Variants in CLRN1 observed in about 807,000 individuals in gnomAD.
CLRN1 encodes the protein clarin 1.
A neutral mutation model predicts 18.7 loss-of-function variants in CLRN1; 15 were observed. The observed-to-expected ratio is 0.80, with a 90% CI of 0.54 to 1.23. The LOEUF (loss-of-function observed/expected upper bound fraction) is 1.23. Ranked by LOEUF, CLRN1 falls within the 50% of genes most tolerant of loss-of-function variation. The probability of loss-of-function intolerance (pLI) is 0.00; values close to 1 mark genes in which losing one functional copy is unlikely to be tolerated. For synonymous variants in CLRN1, 104 were observed against 102.9 expected (o/e 1.01, Z -0.07); for missense variants, 311 against 277.5 (o/e 1.12, Z -0.86).
chr3:150,943,471 G>A (rs1463453402), intron 1 of CLRN1, among the ~76,000 whole-genome samples: 1 of 152,176 alleles, frequency 6.6e-6, no homozygotes, highest in African/African-American at 2.4e-5. Context: ...ACATTGGAGA[G>A]ATGTGACTTG....
chr3:150,938,558 T>C (rs1713623146), intron 2 of CLRN1, among the ~76,000 whole-genome samples: 1 of 152,210 alleles, frequency 6.6e-6, no homozygotes, highest in Admixed American at 6.5e-5. Flanking sequence ...CCAGTCCATC[T>C]GACCCTCAAA....
rs945872558 is a variant in CLRN1 at position 150,926,604 on chromosome 3, C to A, written c.*1332G>T. On this transcript the variant is annotated 3_prime_UTR_variant, in exon 3 of 3. Transcript: ENST00000327047. Reference sequence around the variant, plus strand: ...CTCGGTGTGTTCTGATGTCTGCTGGCGAATAGCGAATTGACACCAGAGCAA... The same window carrying A: ...CTCGGTGTGTTCTGATGTCTGCTGGAGAATAGCGAATTGACACCAGAGCAA... The A allele has an allele frequency of 1.5e-6, 1 of 687,284 alleles. No homozygotes were observed. Among genetic ancestry groups the A allele is most frequent in the Non-Finnish European group, 2.6e-6 (1 of 381,924 alleles). 42.6% of individuals were successfully genotyped at this position (687,284 alleles called of 1,614,324 possible). A position where few individuals can be genotyped will look rare whatever the true frequency, so the allele number is the denominator to read the frequency against.
At chr3:150,964,072 T>G (rs1417786263) in intron 1 of CLRN1, among the ~76,000 whole-genome samples, 1 of 152,110 alleles carries the variant, frequency 6.6e-6, no homozygotes, top group Admixed American at 6.5e-5. Context: ...TGGGATCTAA[T>G]TAAACTAAAA....
At position 150,927,997 on chromosome 3, in the gene CLRN1, A is replaced by G; in HGVS notation, c.638T>C (p.Phe213Ser). ...GLLIRLAGFQ[F>S]PFAKSKDAET... is the part of the protein sequence containing the mutation. ...TGCGTCTTTAGATTTTGCAAAAGGG[A>G]ACTGAAATCCAGCAAGTCGTATTAG... The change falls in exon 3 of 3, where the codon TTC becomes TCC. Residue 213 changes from phenylalanine to serine, a missense_variant. By Grantham distance (155) the Phe-to-Ser change is radical (BLOSUM62 -2). Transcript: ENST00000327047. 1 of 1,614,206 alleles carries G rather than the reference A, an allele frequency of 6.2e-7. No homozygotes were observed. Among genetic ancestry groups the G allele is most frequent in the Admixed American group, 1.7e-5 (1 of 60,032 alleles).
At chr3:150,970,373 G>T (rs1030919629) in intron 1 of CLRN1, among the ~76,000 whole-genome samples, 2 of 152,130 alleles carry the variant, frequency 1.3e-5, no homozygotes, top group Non-Finnish European at 2.9e-5. Context: ...TGTCCCAAAG[G>T]CATGTTGATT....
intron 1 of CLRN1, among the ~76,000 whole-genome samples, chr3:150,970,876 A>C (rs1184872375): frequency 6.6e-6 from 1 of 152,248 alleles, no homozygotes; most frequent in African/African-American, 2.4e-5. Context: ...GCTAAACCCC[A>C]GAAGAATGTG....
At chr3:150,971,495 G>A (rs1200689056) in intron 1 of CLRN1, among the ~76,000 whole-genome samples, 2 of 151,822 alleles carry the variant, frequency 1.3e-5, no homozygotes, top group Non-Finnish European at 2.9e-5. Context: ...AATTAATTTA[G>A]CCTTCTACCT....
intron 2 of CLRN1, 55 bp from the exon 3 acceptor site, chr3:150,928,256 G>A: frequency 6.2e-7 from 1 of 1,602,594 alleles, no homozygotes; most frequent in Non-Finnish European, 8.5e-7. Flanking sequence ...GTAAGGGACA[G>A]GGAAGAGGGT....
At chr3:150,956,515 G>A (rs553925944) in intron 1 of CLRN1, among the ~76,000 whole-genome samples, 2 of 152,218 alleles carry the variant, frequency 1.3e-5, no homozygotes, top group South Asian at 2.1e-4. Flanking sequence ...GAGAGAAAGC[G>A]AAAAAGGAAA....
At chr3:150,949,931 C>T (rs1714396896) in intron 1 of CLRN1, among the ~76,000 whole-genome samples, 1 of 152,068 alleles carries the variant, frequency 6.6e-6, no homozygotes, top group Non-Finnish European at 1.5e-5. Context: ...GCTACAGTAA[C>T]CAAAACAGAA....
chr3:150,969,313 A>AT lies in CLRN1; in HGVS notation c.253+3142dup, dbSNP rs1196979915. ...TTGTAATATATATATATATATATAT[A>AT]TTTTTTTTTTTTTTTTTTTTTTTTT... On this transcript the variant is annotated intron_variant, in intron 1 of 2. Coordinates refer to ENST00000327047, the MANE Select transcript of CLRN1 (RefSeq NM_174878.3). Among the ~76,000 whole-genome samples, 158 of 43,552 alleles carry AT rather than the reference A, an allele frequency of 3.6e-3. 22 individuals carry two copies. Among genetic ancestry groups the AT allele is most frequent in the Middle Eastern group, 0.026 (1 of 38 alleles). 28.6% of individuals were successfully genotyped at this position (43,552 alleles called of 152,430 possible).
At chr3:150,943,367 T>C (rs546997731) in intron 1 of CLRN1, among the ~76,000 whole-genome samples, 1 of 152,222 alleles carries the variant, frequency 6.6e-6, no homozygotes, top group East Asian at 1.9e-4. Flanking sequence ...CCACCACCTA[T>C]CCTCTGCCTA....
intron 1 of CLRN1, among the ~76,000 whole-genome samples, chr3:150,948,659 G>GA (rs1167180598): frequency 6.8e-6 from 1 of 147,714 alleles, no homozygotes; most frequent in African/African-American, 2.5e-5. Context: ...ACTGGACCAG[G>GA]AAAAAACCGA....
At chr3:150,941,383 A>G in intron 2 of CLRN1, 199 bp downstream of exon 2, 1 of 577,962 alleles carries the variant, frequency 1.7e-6, no homozygotes, top group Non-Finnish European at 3.1e-6. Flanking sequence ...ACAGTTATTC[A>G]TATAGATGTC....
At chr3:150,954,083 C>T (rs947463926) in intron 1 of CLRN1, among the ~76,000 whole-genome samples, 3 of 152,136 alleles carry the variant, frequency 2.0e-5, no homozygotes, top group Non-Finnish European at 2.9e-5. Context: ...GTAACCACCA[C>T]AATAATCAAG....
Position 150,931,732 on chromosome 3 carries a change from A to G in CLRN1, c.434-3531T>C, listed in dbSNP as rs370316009. On this transcript the variant is annotated intron_variant, in intron 2 of 2. Coordinates refer to ENST00000327047, the MANE Select transcript of CLRN1 (RefSeq NM_174878.3). ...TCATACTCTTGCCCAAGACTTCACA[A>G]ACGGTAGGATCAGTCCTACATGTCT... Among the ~76,000 whole-genome samples the G allele has an allele frequency of 3.3e-5, 5 of 152,302 alleles. No homozygotes were observed. In the South Asian group the frequency reaches 1.0e-3, roughly 32 times the overall value.
intron 1 of CLRN1, among the ~76,000 whole-genome samples, chr3:150,970,888 C>G (rs1715503731): frequency 6.6e-6 from 1 of 152,144 alleles, no homozygotes; most frequent in Admixed American, 6.5e-5. Context: ...AAGAATGTGG[C>G]TGTGTAAGGA....
intron 1 of CLRN1, among the ~76,000 whole-genome samples, chr3:150,968,714 G>C (rs989615615): frequency 6.6e-6 from 1 of 152,138 alleles, no homozygotes; most frequent in Admixed American, 6.5e-5. Flanking sequence ...CAAGTGTACA[G>C]CAGAACCCAG....
At chr3:150,961,171 T>C (rs1005784078) in intron 1 of CLRN1, among the ~76,000 whole-genome samples, 19 of 152,100 alleles carry the variant, frequency 1.2e-4, no homozygotes, top group African/African-American at 2.7e-4. Context: ...TACTGCTCCT[T>C]CCCCCTCCCC....
Sources: gnomAD v4.1 joint callset for allele counts (sites outside exome capture counted in the v4.1 genomes callset) on GRCh38, gnomAD v4.1.1 for gene constraint, MANE v1.5 for transcripts, NCBI Gene and HGNC (gene_info 2026-07-23, HGNC 2026-07-21) for gene names.